Variants in GLUD2 observed in about 807,000 individuals in gnomAD.
The protein encoded by GLUD2 is glutamate dehydrogenase 2, mitochondrial.
Under a neutral mutation model 16.2 loss-of-function variants are expected in GLUD2, and 11 were observed. The ratio of observed to expected loss-of-function variants is 0.68; its 90% CI spans 0.43 to 1.13. GLUD2 has a LOEUF of 1.13. GLUD2 is among the 50% of genes most tolerant of loss of function. GLUD2 has a pLI of 0.00. For synonymous variants in GLUD2, 147 were observed against 181.9 expected, an observed-to-expected ratio of 0.81 and a Z score of 1.55; for missense variants, 360 against 456.4, an observed-to-expected ratio of 0.79 and a Z score of 1.93.
In GLUD2 at chrX:121,048,045, C is replaced by G; in HGVS notation, c.361C>G (p.Pro121Ala). The G allele has an allele frequency of 8.3e-7, 1 of 1,211,767 alleles. No individual in the cohort carries two copies. The highest frequency in any genetic ancestry group is 1.1e-6 in the Non-Finnish European group (1 of 895,460). ...PCNHVLSLSF[P>A]IRRDDGSWEV... Reference sequence around the variant, plus strand: ...CAACCATGTGCTGAGTCTCTCCTTCCCCATCCGGCGCGACGACGGCTCCTG... The same window carrying G: ...CAACCATGTGCTGAGTCTCTCCTTCGCCATCCGGCGCGACGACGGCTCCTG... Residue 121 changes from proline (P) to alanine (A), a missense_variant, in exon 1 of 1, where the codon CCC (proline) becomes GCC (alanine). Pro to Ala is a conservative substitution (Grantham distance 27). Around this residue, in one of 3 missense-constraint regions of GLUD2, gnomAD observed 279 missense variants for 352.9 expected, o/e 0.79. Coordinates refer to ENST00000328078, the MANE Select transcript of GLUD2 (RefSeq NM_012084.4).
chrX:121,048,505 G>A lies in GLUD2; in HGVS notation c.821G>A (p.Arg274His), dbSNP rs1177496952. The A allele has an allele frequency of 1.7e-6, 2 of 1,211,630 alleles. No homozygotes were observed. Among genetic ancestry groups the A allele is most frequent in the Non-Finnish European group, 1.1e-6 (1 of 895,329 alleles). The change falls in exon 1 of 1, where the codon CGT (arginine) becomes CAT (histidine). Residue 274 changes from arginine to histidine, a missense_variant. Arg to His is a conservative substitution (Grantham distance 29, BLOSUM62 0). Around this residue, in one of 3 missense-constraint regions of GLUD2, gnomAD observed 279 missense variants for 352.9 expected, o/e 0.79. Coordinates refer to ENST00000328078, the MANE Select transcript of GLUD2 (RefSeq NM_012084.4). ...GIHGRISATG[R>H]GVFHGIENFI... ...CATGGACGCATCTCTGCTACTGGCC[G>A]TGGTGTCTTCCATGGGATTGAAAAC...
In GLUD2 at chrX:121,049,179, G is replaced by A. The variant is rs758442069; in HGVS notation, c.1495G>A (p.Gly499Ser). 1.3e-4 allele frequency: 161 copies of A among 1,210,367 alleles called. No individual in the cohort carries two copies. The highest frequency in any genetic ancestry group is 1.7e-4 in the Non-Finnish European group (149 of 895,293). The change falls in exon 1 of 1, where the codon GGT (glycine) becomes AGT (serine). Residue 499 changes from glycine to serine, a missense_variant. By Grantham distance (56) the Gly-to-Ser change is moderately conservative. Transcript: ENST00000328078. ...GGCAGAGTTCCAAGACAGTATATCG[G>A]GTGCATCTGAGAAAGACATTGTGCA... ...PTAEFQDSISGASEKDIVHSA... is the reference protein window; with the variant it reads ...PTAEFQDSISSASEKDIVHSA...
At position 121,049,344 on chromosome X, in the gene GLUD2, G is replaced by T; in HGVS notation, c.1660G>T (p.Gly554Cys). 2.5e-6 allele frequency: 3 copies of T among 1,206,904 alleles called. No individual in the cohort carries two copies. The highest frequency in any genetic ancestry group is 3.4e-6 in the Non-Finnish European group (3 of 892,207). Residue 554 changes from glycine to cysteine, a missense_variant, in exon 1 of 1, where the codon GGT becomes TGT. Transcript: ENST00000328078. ...EKVFKVYSEA[G>C]VTFT ...AGTCTTCAAAGTGTACAGTGAAGCT[G>T]GTGTGACCTTCACATAGATGGATCA...
Position 121,048,930 on chromosome X carries a change from A to G in GLUD2, c.1246A>G (p.Ile416Val). ...GCCAACAACTCCAGAAGCTGATAAG[A>G]TCTTCCTGGAGAGAAACATTTTGGT... ...NGPTTPEADK[I>V]FLERNILVIP... The change falls in exon 1 of 1, where the codon ATC (isoleucine) becomes GTC (valine). Residue 416 changes from isoleucine to valine, a missense_variant. Transcript: ENST00000328078. 8.3e-7 allele frequency: 1 copy of G among 1,211,673 alleles called. No homozygotes were observed. The highest frequency in any genetic ancestry group is 1.1e-6 in the Non-Finnish European group (1 of 895,372).
In GLUD2 at chrX:121,048,885, A is replaced by G. The variant is rs1431646887; in HGVS notation, c.1201A>G (p.Ile401Val). 5.0e-6 allele frequency: 6 copies of G among 1,210,174 alleles called. No individual in the cohort carries two copies. Among genetic ancestry groups the G allele is most frequent in the East Asian group, 3.0e-5 (1 of 33,764 alleles). Residue 401 changes from isoleucine to valine, a missense_variant, in exon 1 of 1, where the codon ATT (isoleucine) becomes GTT (valine). Coordinates refer to ENST00000328078, the MANE Select transcript of GLUD2 (RefSeq NM_012084.4). The part of the protein sequence containing the change: ...SNAPRVKAKI[I>V]AEGANGPTTP... ...CGCACCCAGAGTCAAAGCCAAGATC[A>G]TTGCTGAAGGTGCCAATGGGCCAAC...
Position 121,048,423 on chromosome X carries a change from T to G in GLUD2, c.739T>G (p.Tyr247Asp). 1 of 1,211,366 alleles carries G rather than the reference T, an allele frequency of 8.3e-7. No individual in the cohort carries two copies. Among genetic ancestry groups the G allele is most frequent in the Non-Finnish European group, 1.1e-6 (1 of 895,415 alleles). Residue 247 changes from tyrosine (Y) to aspartate (D), a missense_variant, in exon 1 of 1, where the codon TAT (tyrosine) becomes GAT (aspartate). Physicochemically the swap from Tyr to Asp is radical, Grantham distance 160. Around this residue, in one of 3 missense-constraint regions of GLUD2, gnomAD observed 279 missense variants for 352.9 expected, o/e 0.79. Coordinates refer to ENST00000328078, the MANE Select transcript of GLUD2 (RefSeq NM_012084.4). The stretch of plus-strand genomic sequence containing the variant: ...TACCTATGCCAGCACCATAGGGCAC[T>G]ATGATATTAATGCACACGCCTGTGT... Reference protein sequence around the residue: ...ADTYASTIGHYDINAHACVTG... With the variant: ...ADTYASTIGHDDINAHACVTG...
Position 121,049,177 on chromosome X carries a change from C to T in GLUD2, c.1493C>T (p.Ser498Leu), listed in dbSNP as rs138115042. 15 of 1,210,363 alleles carry T rather than the reference C, an allele frequency of 1.2e-5. No individual in the cohort carries two copies. The African/African-American group carries it at 1.7e-4, about 14-fold the overall frequency. The change falls in exon 1 of 1, where the codon TCG (serine) becomes TTG (leucine). Residue 498 changes from serine (S) to leucine (L), a missense_variant. Physicochemically the swap from Ser to Leu is moderately radical, Grantham distance 145. Coordinates refer to ENST00000328078, the MANE Select transcript of GLUD2 (RefSeq NM_012084.4). ...VPTAEFQDSI[S>L]GASEKDIVHS... Reference sequence around the variant, plus strand: ...ACGGCAGAGTTCCAAGACAGTATATCGGGTGCATCTGAGAAAGACATTGTG... The same window carrying T: ...ACGGCAGAGTTCCAAGACAGTATATTGGGTGCATCTGAGAAAGACATTGTG...
chrX:121,047,654 A>G lies in GLUD2; in HGVS notation c.-31A>G, dbSNP rs1925373181. ...TCTGAGAAAGCGCACCTGTTCCGCG[A>G]CCGTCACGCACCCCTCCTCCGCCTG... On this transcript the variant is annotated 5_prime_UTR_variant, in exon 1 of 1. Coordinates refer to ENST00000328078, the MANE Select transcript of GLUD2 (RefSeq NM_012084.4). 1.0e-6 allele frequency: 1 copy of G among 962,187 alleles called. No homozygotes were observed. The highest frequency in any genetic ancestry group is 1.3e-6 in the Non-Finnish European group (1 of 741,238). 79.3% of individuals were successfully genotyped at this position (962,187 alleles called of 1,213,427 possible). A position where few individuals can be genotyped will look rare whatever the true frequency, so the allele number is the denominator to read the frequency against.
chrX:121,049,337 T>C lies in GLUD2; in HGVS notation c.1653T>C (p.Ser551=), dbSNP rs765615348. 1 of 1,208,878 alleles carries C rather than the reference T, an allele frequency of 8.3e-7. No individual in the cohort carries two copies. Among genetic ancestry groups the C allele is most frequent in the South Asian group, 1.8e-5 (1 of 56,911 alleles). Reference sequence around the variant, plus strand: ...TTGAAAAAGTCTTCAAAGTGTACAGTGAAGCTGGTGTGACCTTCACATAGA... The same window carrying C: ...TTGAAAAAGTCTTCAAAGTGTACAGCGAAGCTGGTGTGACCTTCACATAGA... The part of the protein sequence containing the change: ...NAIEKVFKVY[S]EAGVTFT The change falls in exon 1 of 1, where the codon AGT becomes AGC. Residue 551 remains serine, a synonymous_variant. Transcript: ENST00000328078.
Position 121,048,805 on chromosome X carries a change from T to C in GLUD2, c.1121T>C (p.Val374Ala), listed in dbSNP as rs878957646. Reference sequence around the variant, plus strand: ...CCCTATGAAGGAAGCATCTTGGAGGTCGACTGTGACATACTGATCCCAGCT... The same window carrying C: ...CCCTATGAAGGAAGCATCTTGGAGGCCGACTGTGACATACTGATCCCAGCT... ...AKPYEGSILEVDCDILIPAAT... is the reference protein window; with the variant it reads ...AKPYEGSILEADCDILIPAAT... Residue 374 changes from valine to alanine, a missense_variant, in exon 1 of 1, where the codon GTC becomes GCC. Physicochemically the swap from Val to Ala is moderately conservative, Grantham distance 64. Transcript: ENST00000328078. 8.3e-7 allele frequency: 1 copy of C among 1,210,805 alleles called. No individual in the cohort carries two copies. Among genetic ancestry groups the C allele is most frequent in the Non-Finnish European group, 1.1e-6 (1 of 895,269 alleles).
At position 121,048,464 on chromosome X, in the gene GLUD2, C is replaced by T; in HGVS notation, c.780C>T (p.Ile260=). 1 of 1,211,818 alleles carries T rather than the reference C, an allele frequency of 8.3e-7. No homozygotes were observed. Among genetic ancestry groups the T allele is most frequent in the Admixed American group, 2.2e-5 (1 of 46,050 alleles). Residue 260 remains isoleucine (I), a synonymous_variant, in exon 1 of 1, where the codon ATC becomes ATT. Coordinates refer to ENST00000328078, the MANE Select transcript of GLUD2 (RefSeq NM_012084.4). Reference sequence around the variant, plus strand: ...ACGCCTGTGTTACTGGTAAACCCATCAGCCAAGGGGGAATCCATGGACGCA... The same window carrying T: ...ACGCCTGTGTTACTGGTAAACCCATTAGCCAAGGGGGAATCCATGGACGCA... The part of the protein sequence containing the change: ...NAHACVTGKP[I]SQGGIHGRIS...
At position 121,049,230 on chromosome X, in the gene GLUD2, C is replaced by T. The variant is rs1198055121; in HGVS notation, c.1546C>T (p.Arg516Cys). ...CTCTGCCTTGGCATACACAATGGAG[C>T]GTTCTGCCAGGCAAATTATGCACAC... Reference protein sequence around the residue: ...VHSALAYTMERSARQIMHTAM... With the variant: ...VHSALAYTMECSARQIMHTAM... The change falls in exon 1 of 1, where the codon CGT (arginine) becomes TGT (cysteine). Residue 516 changes from arginine to cysteine, a missense_variant. Transcript: ENST00000328078. 9.1e-6 allele frequency: 11 copies of T among 1,210,446 alleles called. No individual in the cohort carries two copies. The highest frequency in any genetic ancestry group is 2.2e-5 in the Admixed American group (1 of 46,095).
Position 121,049,111 on chromosome X carries a change from G to T in GLUD2, c.1427G>T (p.Arg476Ile). 2.5e-6 allele frequency: 3 copies of T among 1,211,785 alleles called. No homozygotes were observed. The highest frequency in any genetic ancestry group is 1.7e-5 in the African/African-American group (1 of 57,812). The change falls in exon 1 of 1, where the codon AGA becomes ATA. Residue 476 changes from arginine to isoleucine, a missense_variant. Around this residue, in one of 3 missense-constraint regions of GLUD2, gnomAD observed 279 missense variants for 352.9 expected, o/e 0.79. Transcript: ENST00000328078. ...LLLSVQESLE[R>I]KFGKHGGTIP... ...CTGTCTGTTCAAGAGAGTTTAGAAAGAAAATTTGGAAAGCATGGTGGAACT... is the reference window on the plus strand; with the variant it reads ...CTGTCTGTTCAAGAGAGTTTAGAAATAAAATTTGGAAAGCATGGTGGAACT...
rs1347186410 is a variant in GLUD2, at chrX:121,049,807, A to C, written c.*446A>C. 6.6e-6 allele frequency: 1 copy of C among 150,406 alleles called. No homozygotes were observed. Among genetic ancestry groups the C allele is most frequent in the African/African-American group, 3.1e-5 (1 of 31,771 alleles). 12.4% of individuals were successfully genotyped at this position (150,406 alleles called of 1,213,427 possible). ...TGGCATGGTCCTCAAGTGAGTTCTT[A>C]GTATTTTATATCAGCAAAATAACTC... is the stretch of plus-strand genomic sequence containing the variant. On this transcript the variant is annotated 3_prime_UTR_variant, in exon 1 of 1. Coordinates refer to ENST00000328078, the MANE Select transcript of GLUD2 (RefSeq NM_012084.4).
Position 121,048,115 on chromosome X carries a change from C to T in GLUD2, c.431C>T (p.Thr144Met), listed in dbSNP as rs376924913. ...CGGGCCCAGCACAGCCAGCACCGCA[C>T]GCCCTGCAAGGGAGGTATCCGTTAC... Reference protein sequence around the residue: ...GYRAQHSQHRTPCKGGIRYST... With the variant: ...GYRAQHSQHRMPCKGGIRYST... The change falls in exon 1 of 1, where the codon ACG becomes ATG. Residue 144 changes from threonine (T) to methionine (M), a missense_variant. Transcript: ENST00000328078. The T allele has an allele frequency of 1.4e-4, 164 of 1,210,203 alleles. No individual in the cohort carries two copies. The highest frequency in any genetic ancestry group is 1.8e-4 in the Non-Finnish European group (158 of 895,292).
Position 121,048,011 on chromosome X carries a change from C to T in GLUD2, c.327C>T (p.Ile109=), listed in dbSNP as rs143680862. 4 of 1,210,294 alleles carry T rather than the reference C, an allele frequency of 3.3e-6. No homozygotes were observed. The African/African-American group carries it at 7.0e-5, about 21-fold the overall frequency. The stretch of plus-strand genomic sequence containing the variant: ...GGGTGCGCGGCATCCTGCGGATCAT[C>T]AAGCCCTGCAACCATGTGCTGAGTC... ...RNRVRGILRI[I]KPCNHVLSLS... The change falls in exon 1 of 1, where the codon ATC becomes ATT. Residue 109 remains isoleucine, a synonymous_variant. Coordinates refer to ENST00000328078, the MANE Select transcript of GLUD2 (RefSeq NM_012084.4).
In GLUD2 at chrX:121,048,957, A is replaced by C. The variant is rs1349883900; in HGVS notation, c.1273A>C (p.Ile425Leu). The change falls in exon 1 of 1, where the codon ATT becomes CTT. Residue 425 changes from isoleucine (I) to leucine (L), a missense_variant. Physicochemically the swap from Ile to Leu is conservative, Grantham distance 5. Transcript: ENST00000328078. ...CTTCCTGGAGAGAAACATTTTGGTTATTCCAGATCTCTACTTGAATGCTGG... is the reference window on the plus strand; with the variant it reads ...CTTCCTGGAGAGAAACATTTTGGTTCTTCCAGATCTCTACTTGAATGCTGG... ...KIFLERNILV[I>L]PDLYLNAGGV... 5 of 1,210,433 alleles carry C rather than the reference A, an allele frequency of 4.1e-6. No individual in the cohort carries two copies. The African/African-American group carries it at 8.7e-5, about 21-fold the overall frequency.
chrX:121,047,747 C>A lies in GLUD2; in HGVS notation c.63C>A (p.Ser21=). Residue 21 remains serine, a synonymous_variant, in exon 1 of 1, where the codon TCC becomes TCA. Transcript: ENST00000328078. ...PSRAGPAALG[S]AANHSAALLG... ...GGGCCGGGCCCGCTGCCCTGGGCTC[C>A]GCGGCCAACCACTCGGCCGCGTTGC... The A allele has an allele frequency of 8.8e-7, 1 of 1,131,353 alleles. No individual in the cohort carries two copies. Among genetic ancestry groups the A allele is most frequent in the Non-Finnish European group, 1.2e-6 (1 of 860,418 alleles). The allele number at this position is 1,131,353 out of a possible 1,213,427, so 93.2% of individuals were successfully genotyped here. A position where few individuals can be genotyped will look rare whatever the true frequency, so the allele number is the denominator to read the frequency against.
Position 121,047,729 on chromosome X carries a change from G to A in GLUD2, c.45G>A (p.Gly15=). 1.8e-6 allele frequency: 2 copies of A among 1,104,490 alleles called. No individual in the cohort carries two copies. The highest frequency in any genetic ancestry group is 2.4e-6 in the Non-Finnish European group (2 of 841,294). The allele number at this position is 1,104,490 out of a possible 1,213,427, so 91.0% of individuals were successfully genotyped here. A position where few individuals can be genotyped will look rare whatever the true frequency, so the allele number is the denominator to read the frequency against. ...AAGCGCTGCTGCCGTCCCGGGCCGG[G>A]CCCGCTGCCCTGGGCTCCGCGGCCA... ...LAKALLPSRA[G]PAALGSAANH... The change falls in exon 1 of 1, where the codon GGG becomes GGA. Residue 15 remains glycine (G), a synonymous_variant. Transcript: ENST00000328078.
Sources: allele counts gnomAD v4.1 joint callset, GRCh38; gene constraint gnomAD v4.1.1; regional missense constraint gnomAD v4.1.1; transcripts MANE v1.5; gene names NCBI Gene and HGNC (gene_info 2026-07-23, HGNC 2026-07-21).